The following RIPK2 variants were observed in gnomAD, a reference collection of about 807,000 sequenced individuals.
The protein encoded by RIPK2 is receptor interacting serine/threonine kinase 2.
RIPK2 carries 38 observed loss-of-function variants against 60.9 expected under a neutral mutation model. The observed-to-expected ratio is 0.62, with a 90% CI of 0.48 to 0.82. RIPK2 has a LOEUF of 0.82. RIPK2 is among the 40% of genes least tolerant of loss of function. RIPK2 has a pLI of 0.00. For synonymous variants in RIPK2, 225 were observed against 223.4 expected (o/e 1.01, Z -0.06); for missense variants, 518 against 647.0 (o/e 0.80, Z 2.16).
In RIPK2 at chr8:89,758,111, A is replaced by T; in HGVS notation, c.51A>T (p.Lys17Asn). The T allele has an allele frequency of 1.9e-6, 3 of 1,606,582 alleles. No homozygotes were observed. The South Asian group carries it at 3.3e-5, about 18-fold the overall frequency. Residue 17 changes from lysine to asparagine, a missense_variant, in exon 1 of 11, where the codon AAA becomes AAT. By Grantham distance (94) the Lys-to-Asn change is moderately conservative. This residue lies in a region of RIPK2 where 448 missense variants were observed against 534.7 expected (regional missense o/e 0.84). Transcript: ENST00000220751. ...CCCTGCCCACCATTCCCTACCACAA[A>T]CTCGCCGACCTGCGCTACCTGAGCC... is the stretch of plus-strand genomic sequence containing the variant. ...CSALPTIPYH[K>N]LADLRYLSRG... is the part of the protein sequence containing the mutation.
chr8:89,786,484 A>AG, intron 8 of RIPK2, 109 bp from the exon 9 acceptor site: 1 of 710,762 alleles, frequency 1.4e-6, no homozygotes, highest in East Asian at 2.8e-5. Flanking sequence ...AAAAAAAAAA[A>AG]TTAGTAGTTT....
intron 6 of RIPK2, among the ~76,000 whole-genome samples, chr8:89,778,135 AT>A (rs1809432492): frequency 6.6e-6 from 1 of 152,144 alleles, no homozygotes; most frequent in Non-Finnish European, 1.5e-5. Context: ...TTTAAAAAAA[AT>A]ATAGGTTAAC....
At chr8:89,789,287 A>G (rs1232637815) in intron 9 of RIPK2, 34 bp from the exon 10 acceptor site, 2 of 1,590,086 alleles carry the variant, frequency 1.3e-6, no homozygotes, top group Non-Finnish European at 1.7e-6. Context: ...TCTAAGGAGT[A>G]TTCTACTTCT....
intron 3 of RIPK2, among the ~76,000 whole-genome samples, chr8:89,767,314 A>G (rs1809244783): frequency 2.0e-5 from 3 of 151,864 alleles, no homozygotes; most frequent in South Asian, 4.1e-4. Context: ...TCATTTTGCT[A>G]TACTTCTTTT....
intron 6 of RIPK2, among the ~76,000 whole-genome samples, chr8:89,776,814 G>A (rs1809404493): frequency 6.6e-6 from 1 of 152,156 alleles, no homozygotes; most frequent in African/African-American, 2.4e-5. Flanking sequence ...TGGCCAAGAT[G>A]GAGTAACTGG....
chr8:89,759,518 G>A, intron 1 of RIPK2: 1 of 410,308 alleles, frequency 2.4e-6, no homozygotes, highest in Non-Finnish European at 5.0e-6. Context: ...ACCTGCCTGT[G>A]GCTTTTCTTC....
intron 1 of RIPK2, chr8:89,759,205 T>A: frequency 2.3e-6 from 1 of 437,562 alleles, no homozygotes; most frequent in Non-Finnish European, 4.7e-6. Flanking sequence ...GTACAGGTTT[T>A]AAGGGAAGGT....
chr8:89,771,955 C>G lies in RIPK2; in HGVS notation c.691+165C>G, dbSNP rs141513755. On this transcript the variant is annotated intron_variant, in intron 5 of 10. Coordinates refer to ENST00000220751, the MANE Select transcript of RIPK2 (RefSeq NM_003821.6). ...AATGCATCACATACTGCAAAATATA[C>G]CGGGTTAAGGATCCAGTTGTGAGTC... is the stretch of plus-strand genomic sequence containing the variant. 5.4e-3 allele frequency among the ~76,000 whole-genome samples: 815 copies of G among 151,954 alleles called. 6 individuals are homozygous for G. The highest frequency in any genetic ancestry group is 0.019 in the African/African-American group (767 of 41,448).
intron 7 of RIPK2, among the ~76,000 whole-genome samples, chr8:89,782,641 A>G (rs1021710886): frequency 5.3e-5 from 8 of 150,078 alleles, no homozygotes; most frequent in Non-Finnish European, 1.2e-4. Context: ...CCTGTCTCTT[A>G]AGAAAAAAAA....
intron 1 of RIPK2, among the ~76,000 whole-genome samples, chr8:89,761,528 C>G (rs1343184768): frequency 6.6e-6 from 1 of 152,076 alleles, no homozygotes; most frequent in African/African-American, 2.4e-5. Flanking sequence ...TCAAACTCTA[C>G]CACTTTCTAC....
rs770679807 is a variant in RIPK2, at chr8:89,789,294, T to C, written c.1124-27T>C. On this transcript the variant is annotated intron_variant, in intron 9 of 10. Coordinates refer to ENST00000220751, the MANE Select transcript of RIPK2 (RefSeq NM_003821.6). Reference sequence around the variant, plus strand: ...TAGGAATTTCTAAGGAGTATTCTACTTCTAATGAAGATGTTGTATTTTGTA... The same window carrying C: ...TAGGAATTTCTAAGGAGTATTCTACCTCTAATGAAGATGTTGTATTTTGTA... 3.7e-6 allele frequency: 6 copies of C among 1,603,332 alleles called. No individual in the cohort carries two copies. In the African/African-American group the frequency reaches 5.4e-5, roughly 14 times the overall value.
intron 3 of RIPK2, among the ~76,000 whole-genome samples, chr8:89,766,296 T>A (rs1344839866): frequency 6.6e-6 from 1 of 151,888 alleles, no homozygotes; most frequent in Non-Finnish European, 1.5e-5. Flanking sequence ...TGAACAAAGC[T>A]GTACAGGTTT....
At chr8:89,763,003 G>A (rs768621838) in intron 2 of RIPK2, 21 bp downstream of exon 2, 5 of 1,360,178 alleles carry the variant, frequency 3.7e-6, no homozygotes, top group East Asian at 2.7e-5. Flanking sequence ...CACAGTTTTA[G>A]TGGCCATAAT....
At chr8:89,783,122 A>G (rs1809527490) in intron 7 of RIPK2, among the ~76,000 whole-genome samples, 1 of 152,220 alleles carries the variant, frequency 6.6e-6, no homozygotes, top group Non-Finnish European at 1.5e-5. Flanking sequence ...TAAATGGAGT[A>G]TGCAGTCATA....
intron 10 of RIPK2, 129 bp from the exon 11 acceptor site, chr8:89,789,950 T>C (rs911834615): frequency 3.7e-5 from 23 of 628,114 alleles, no homozygotes; most frequent in Non-Finnish European, 5.5e-5. Flanking sequence ...CCCCAAAGTG[T>C]TGGTGTTCCA....
At position 89,790,183 on chromosome 8, in the gene RIPK2, C is replaced by T. The variant is rs778154173; in HGVS notation, c.1390C>T (p.Leu464=). The T allele has an allele frequency of 6.2e-7, 1 of 1,614,102 alleles. No individual in the cohort carries two copies. Among genetic ancestry groups the T allele is most frequent in the Non-Finnish European group, 8.5e-7 (1 of 1,179,954 alleles). Residue 464 remains leucine, a synonymous_variant, in exon 11 of 11, where the codon CTG becomes TTG. Coordinates refer to ENST00000220751, the MANE Select transcript of RIPK2 (RefSeq NM_003821.6). ...CCTTAACCAGTCGCTAGATGCCCTTCTGTCCAGGGACTTGATCATGAAAGA... is the reference window on the plus strand; with the variant it reads ...CCTTAACCAGTCGCTAGATGCCCTTTTGTCCAGGGACTTGATCATGAAAGA... ...ACLNQSLDAL[L]SRDLIMKEDY...
Position 89,758,246 on chromosome 8 carries a change from TG to T in RIPK2, c.173+17del. 6.3e-7 allele frequency: 1 copy of T among 1,586,592 alleles called. No homozygotes were observed. The highest frequency in any genetic ancestry group is 2.3e-5 in the East Asian group (1 of 43,672). On this transcript the variant is annotated intron_variant, in intron 1 of 10. Transcript: ENST00000220751. ...CGCTGCTCGACAGGTAGGCAGTCAC[TG>T]GGGTTCCCTGGAAGAGCCCTCAACT...
chr8:89,781,327 C>G (rs1809494888), intron 7 of RIPK2, among the ~76,000 whole-genome samples: 1 of 150,146 alleles, frequency 6.7e-6, no homozygotes. Context: ...CAGAAAATAC[C>G]AATTTCTCTC....
At chr8:89,777,459 A>G (rs1224647051) in intron 6 of RIPK2, among the ~76,000 whole-genome samples, 8 of 152,220 alleles carry the variant, frequency 5.3e-5, no homozygotes, top group Non-Finnish European at 7.4e-5. Context: ...GGATATAAGT[A>G]TTGAATGAAA....
Sources: allele counts gnomAD v4.1 joint callset (sites outside exome capture counted in the v4.1 genomes callset), GRCh38; gene constraint gnomAD v4.1.1; regional missense constraint gnomAD v4.1.1; transcripts MANE v1.5; gene names NCBI Gene and HGNC (gene_info 2026-07-23, HGNC 2026-07-21).